The following QKI variants were observed in gnomAD, a reference collection of about 807,000 sequenced individuals.
The protein encoded by QKI is QKI, KH domain containing RNA binding.
A neutral mutation model predicts 39.0 loss-of-function variants in QKI; 10 were observed. That is an observed-to-expected ratio of 0.26 (90% confidence interval 0.16 to 0.43). The LOEUF (loss-of-function observed/expected upper bound fraction) is 0.43, where lower values mean the gene tolerates loss of function less well. Ranked by LOEUF, QKI falls within the 20% of genes least tolerant of loss-of-function variation. The pLI is 1.00. For missense variants in QKI, 218 were observed against 428.0 expected, an observed-to-expected ratio of 0.51 and a Z score of 4.33; for synonymous variants, 204 against 155.4, an observed-to-expected ratio of 1.31 and a Z score of -2.33.
At chr6:163,485,350 GA>G (rs1446767165) in intron 3 of QKI, among the ~76,000 whole-genome samples, 1 of 152,212 alleles carries the variant, frequency 6.6e-6, no homozygotes, top group African/African-American at 2.4e-5. Flanking sequence ...TCCACCTTTA[GA>G]AACAGGTGGG....
intron 3 of QKI, among the ~76,000 whole-genome samples, chr6:163,495,416 T>C (rs1778346089): frequency 1.3e-5 from 2 of 152,162 alleles, no homozygotes; most frequent in Non-Finnish European, 2.9e-5. Context: ...TGTCTGTATG[T>C]ATGTACATAT....
intron 1 of QKI, among the ~76,000 whole-genome samples, chr6:163,441,515 C>T (rs1429269390): frequency 6.6e-6 from 1 of 152,138 alleles, no homozygotes; most frequent in East Asian, 1.9e-4. Flanking sequence ...AAGCTATCTG[C>T]CCTCTCAGCT....
At chr6:163,464,802 T>C (rs908420936) in intron 2 of QKI, among the ~76,000 whole-genome samples, 2 of 152,130 alleles carry the variant, frequency 1.3e-5, no homozygotes, top group Non-Finnish European at 2.9e-5. Flanking sequence ...TCCAAAAAAC[T>C]GAGCAGGAGA....
chr6:163,564,429 A>G, intron 6 of QKI: 1 of 1,387,710 alleles, frequency 7.2e-7, no homozygotes, highest in Non-Finnish European at 9.3e-7. Context: ...TGCAGGCATG[A>G]CTGTAGTTGT....
intron 4 of QKI, among the ~76,000 whole-genome samples, chr6:163,554,373 A>G (rs937404089): frequency 1.1e-4 from 17 of 152,238 alleles, no homozygotes; most frequent in Non-Finnish European, 2.4e-4. Flanking sequence ...CCGGCTGGCA[A>G]AGAAGTAGTA....
chr6:163,418,647 G>A (rs1787744719), intron 1 of QKI, among the ~76,000 whole-genome samples: 1 of 152,102 alleles, frequency 6.6e-6, no homozygotes, highest in Admixed American at 6.5e-5. Flanking sequence ...ATTGAAGATA[G>A]AGATGATTAT....
intron 2 of QKI, among the ~76,000 whole-genome samples, chr6:163,474,787 T>TAA (rs35897463): frequency 0.46 from 49,515 of 108,288 alleles, 12,223 homozygotes; most frequent in East Asian, 0.69. Flanking sequence ...ACAAAAAAGT[T>TAA]AAAAAAAAAA....
At chr6:163,525,223 G>C (rs1780415772) in intron 3 of QKI, among the ~76,000 whole-genome samples, 3 of 150,162 alleles carry the variant, frequency 2.0e-5, no homozygotes, top group Admixed American at 2.0e-4. Flanking sequence ...ACTGACCTTT[G>C]CTTGAGACAG....
At chr6:163,545,875 C>T (rs1308952528) in intron 4 of QKI, among the ~76,000 whole-genome samples, 1 of 151,456 alleles carries the variant, frequency 6.6e-6, no homozygotes, top group Non-Finnish European at 1.5e-5. Context: ...AATATTTTTG[C>T]ATTTGTAAAG....
intron 2 of QKI, among the ~76,000 whole-genome samples, chr6:163,467,947 G>C (rs1219846699): frequency 6.6e-6 from 1 of 151,980 alleles, no homozygotes; most frequent in South Asian, 2.1e-4. Context: ...GGGTTTATTG[G>C]GACTTAACTC....
intron 1 of QKI, among the ~76,000 whole-genome samples, chr6:163,420,154 C>CTTTTTTTTTTTT (rs35131240): frequency 3.3e-5 from 2 of 60,828 alleles, no homozygotes; most frequent in Non-Finnish European, 7.4e-5. Context: ...CTTTTCTTTT[C>CTTTTTTTTTTTT]TTTTTTTTTT....
intron 5 of QKI, 69 bp from the exon 6 acceptor site, chr6:163,563,351 C>A: frequency 7.4e-7 from 1 of 1,352,786 alleles, no homozygotes. Flanking sequence ...TTTCCTACTC[C>A]CTTCTCATTT....
At chr6:163,509,478 A>G (rs991777750) in intron 3 of QKI, among the ~76,000 whole-genome samples, 48 of 150,856 alleles carry the variant, frequency 3.2e-4, no homozygotes, top group Non-Finnish European at 5.9e-4. Context: ...CATTTAATAA[A>G]GGGGGGGGGG....
At chr6:163,438,796 A>G (rs1789506517) in intron 1 of QKI, among the ~76,000 whole-genome samples, 1 of 152,210 alleles carries the variant, frequency 6.6e-6, no homozygotes, top group Admixed American at 6.5e-5. Context: ...TTTAATAAAC[A>G]TTGTATTCTT....
At chr6:163,491,396 A>G (rs571897941) in intron 3 of QKI, among the ~76,000 whole-genome samples, 160 of 152,246 alleles carry the variant, frequency 1.1e-3, no homozygotes, top group African/African-American at 3.7e-3. Context: ...GTGACGTGGT[A>G]TGTTTGTTTC....
intron 4 of QKI, among the ~76,000 whole-genome samples, chr6:163,543,327 A>C (rs1310421140): frequency 6.6e-6 from 1 of 152,028 alleles, no homozygotes; most frequent in East Asian, 1.9e-4. Flanking sequence ...GAGGTAATGT[A>C]CTGGCTCCTT....
rs535780705 is a variant in QKI at position 163,550,833 on chromosome 6, C to T, written c.547-11149C>T. On this transcript the variant is annotated intron_variant, in intron 4 of 7. Transcript: ENST00000361752. ...TGGTGGTGGGCGCCTGTAGTCCCAG[C>T]TACTCAGAGAGGCTGAGGCAGGAGA... Among the ~76,000 whole-genome samples the T allele has an allele frequency of 2.0e-5, 3 of 151,786 alleles. No homozygotes were observed. The South Asian group carries it at 6.2e-4, about 32-fold the overall frequency.
In QKI at chr6:163,527,455, G is replaced by A. The variant is rs147147262; in HGVS notation, c.403-7527G>A. Among the ~76,000 whole-genome samples the A allele has an allele frequency of 4.3e-3, 647 of 152,222 alleles. 5 individuals are homozygous for A. Among genetic ancestry groups the A allele is most frequent in the African/African-American group, 0.015 (615 of 41,550 alleles). On this transcript the variant is annotated intron_variant, in intron 3 of 7. Coordinates refer to ENST00000361752, the MANE Select transcript of QKI (RefSeq NM_006775.3). ...GAATTCTGTTTGGAGGGGTTTTGGC[G>A]TATGAACTTTCACATTAAGAGCACA... is the stretch of plus-strand genomic sequence containing the variant.
intron 4 of QKI, among the ~76,000 whole-genome samples, chr6:163,548,140 A>G (rs563586458): frequency 2.0e-5 from 3 of 150,946 alleles, no homozygotes; most frequent in South Asian, 2.1e-4. Context: ...TGCATTGTCT[A>G]TGATAGTGGT....
Sources: allele counts gnomAD v4.1 joint callset (sites outside exome capture counted in the v4.1 genomes callset), GRCh38; gene constraint gnomAD v4.1.1; transcripts MANE v1.5; gene names NCBI Gene and HGNC (gene_info 2026-07-23, HGNC 2026-07-21).